KAT6B: variants seen among roughly 807,000 people sequenced by gnomAD.
The protein encoded by KAT6B is lysine acetyltransferase 6B, also known as histone acetyltransferase KAT6B.
A neutral mutation model predicts 187.5 loss-of-function variants in KAT6B; 10 were observed. The observed-to-expected ratio is 0.05, with a 90% confidence interval of 0.03 to 0.09. The LOEUF (loss-of-function observed/expected upper bound fraction) is 0.09. Among genes scored for constraint, KAT6B ranks in the 10% least tolerant of loss-of-function variants. The probability of loss-of-function intolerance (pLI) is 1.00; values close to 1 mark genes in which losing one functional copy is unlikely to be tolerated. For synonymous variants in KAT6B, 861 were observed against 926.8 expected (o/e 0.93, Z 1.29); for missense variants, 1,952 against 2,558.9 (o/e 0.76, Z 5.12).
At position 75,029,972 on chromosome 10, in the gene KAT6B, G is replaced by C. The variant is rs764369916; in HGVS notation, c.5148G>C (p.Gln1716His). 1.2e-6 allele frequency: 2 copies of C among 1,614,174 alleles called. No individual in the cohort carries two copies. The highest frequency in any genetic ancestry group is 1.7e-6 in the Non-Finnish European group (2 of 1,180,034). Residue 1716 changes from glutamine (Q) to histidine (H), a missense_variant, in exon 18 of 18, where the codon CAG becomes CAC. Physicochemically the swap from Gln to His is conservative, Grantham distance 24. Transcript: ENST00000287239. The surrounding 1 kb of genome is among the most constrained non-coding windows in gnomAD (Gnocchi z 6.2). ...YSNLTSSSLT[Q>H]SSCAVTQQMS... The stretch of plus-strand genomic sequence containing the variant: ...ACCTCACCTCCAGCAGTCTGACACA[G>C]AGCAGCTGTGCTGTCACCCAGCAGA...
chr10:74,883,605 G>A (rs1845025762), intron 3 of KAT6B, among the ~76,000 whole-genome samples: 2 of 152,110 alleles, frequency 1.3e-5, no homozygotes, highest in Admixed American at 1.3e-4. Flanking sequence ...AGTCCTTCAG[G>A]TAGAACACAT....
chr10:74,919,477 T>C (rs992266658), intron 3 of KAT6B, among the ~76,000 whole-genome samples: 2 of 152,092 alleles, frequency 1.3e-5, no homozygotes, highest in African/African-American at 2.4e-5. Flanking sequence ...ATGGCTCCAC[T>C]GCAACCTCTG....
intron 13 of KAT6B, among the ~76,000 whole-genome samples, chr10:75,009,540 G>A (rs557551905): frequency 5.9e-5 from 9 of 152,252 alleles, no homozygotes; most frequent in African/African-American, 2.2e-4. Flanking sequence ...GCCAAACAGT[G>A]GACAGAATAG....
chr10:74,847,073 C>A (rs1842161284), intron 3 of KAT6B, among the ~76,000 whole-genome samples: 1 of 152,132 alleles, frequency 6.6e-6, no homozygotes, highest in African/African-American at 2.4e-5. Flanking sequence ...AGCATCTGTA[C>A]AGAAGTATTT....
intron 13 of KAT6B, among the ~76,000 whole-genome samples, chr10:74,992,350 A>C (rs973789816): frequency 4.6e-5 from 7 of 152,248 alleles, no homozygotes; most frequent in Admixed American, 1.3e-4. Flanking sequence ...TAAACCCATC[A>C]TAAAGTGAAA....
intron 3 of KAT6B, among the ~76,000 whole-genome samples, chr10:74,894,901 A>G (rs542293662): frequency 9.2e-5 from 14 of 152,148 alleles, no homozygotes; most frequent in African/African-American, 3.1e-4. Context: ...TCTCTTTGAG[A>G]TCCTTTTGGC....
At position 74,979,220 on chromosome 10, in the gene KAT6B, A is replaced by T. The variant is rs1470801594; in HGVS notation, c.2116-4A>T. ...ATTATTTTCCTTTTCTTTCTATTTG[A>T]CAGAAAATAGAGTGTGAGAGTGGGG... On this transcript the variant is annotated splice_polypyrimidine_tract_variant and splice_region_variant and intron_variant, in intron 9 of 17. Transcript: ENST00000287239. 2.5e-6 allele frequency: 4 copies of T among 1,593,420 alleles called. No homozygotes were observed. The highest frequency in any genetic ancestry group is 3.4e-6 in the Non-Finnish European group (4 of 1,161,404).
At chr10:75,025,577 T>C (rs1480141914) in intron 17 of KAT6B, 1 of 292,556 alleles carries the variant, frequency 3.4e-6, no homozygotes, top group African/African-American at 2.2e-5. Context: ...GTACTTTTTT[T>C]TTTCACATTT....
intron 1 of KAT6B, among the ~76,000 whole-genome samples, chr10:74,837,029 T>C (rs1342816492): frequency 6.6e-6 from 1 of 152,248 alleles, no homozygotes; most frequent in Non-Finnish European, 1.5e-5. Context: ...ACTTGAGTGT[T>C]ATGACATTGA....
In KAT6B at chr10:74,992,650, T is replaced by TGCAG. The variant is rs755105876; in HGVS notation, c.2629+3538_2629+3539insGCAG. Among the ~76,000 whole-genome samples, 398 of 152,342 alleles carry TGCAG rather than the reference T, an allele frequency of 2.6e-3. 1 individual carries two copies. Among genetic ancestry groups the TGCAG allele is most frequent in the Non-Finnish European group, 4.8e-3 (328 of 68,028 alleles). On this transcript the variant is annotated intron_variant, in intron 13 of 17. Transcript: ENST00000287239. Reference sequence around the variant, plus strand: ...AGTTGTAAGCCAAGGACTGTCTGTATAAAGAACTGCAAATGCAGGGCTTTG... The same window carrying TGCAG: ...AGTTGTAAGCCAAGGACTGTCTGTATGCAGAAAGAACTGCAAATGCAGGGCTTTG...
intron 11 of KAT6B, 48 bp downstream of exon 11, chr10:74,981,976 C>T (rs766407144): frequency 1.9e-5 from 29 of 1,544,810 alleles, no homozygotes; most frequent in Non-Finnish European, 2.6e-5. Flanking sequence ...ATCTAGTACT[C>T]CTAATTGTTG....
intron 12 of KAT6B, among the ~76,000 whole-genome samples, chr10:74,985,718 T>C (rs931508398): frequency 6.6e-6 from 1 of 152,220 alleles, no homozygotes; most frequent in Non-Finnish European, 1.5e-5. Context: ...CTCTGTGCTA[T>C]GGTTTTAAGT....
intron 3 of KAT6B, among the ~76,000 whole-genome samples, chr10:74,953,390 G>C (rs1427545340): frequency 3.9e-5 from 6 of 152,098 alleles, no homozygotes; most frequent in Admixed American, 1.3e-4. Flanking sequence ...GAACTTTGTA[G>C]TTTACAAAAT....
intron 3 of KAT6B, among the ~76,000 whole-genome samples, chr10:74,935,787 A>G (rs898805462): frequency 6.6e-6 from 1 of 152,230 alleles, no homozygotes; most frequent in Admixed American, 6.5e-5. Flanking sequence ...GTATGTATGG[A>G]CACTTGCATG....
At chr10:74,988,096 T>C (rs548864692) in intron 12 of KAT6B, among the ~76,000 whole-genome samples, 16 of 152,340 alleles carry the variant, frequency 1.1e-4, no homozygotes, top group Middle Eastern at 3.4e-3. Flanking sequence ...ATCTTTCAAA[T>C]TGGTTCATTA....
At chr10:74,889,449 G>A (rs1053997623) in intron 3 of KAT6B, among the ~76,000 whole-genome samples, 22 of 152,116 alleles carry the variant, frequency 1.4e-4, no homozygotes, top group African/African-American at 3.9e-4. Context: ...GGAGAGAATT[G>A]AGAACTGAGG....
chr10:74,985,832 G>A (rs1842774138), intron 12 of KAT6B, among the ~76,000 whole-genome samples: 1 of 152,140 alleles, frequency 6.6e-6, no homozygotes, highest in South Asian at 2.1e-4. Flanking sequence ...GGATCATGAG[G>A]TCGAGAGATA....
intron 3 of KAT6B, among the ~76,000 whole-genome samples, chr10:74,907,019 G>T (rs1032952459): frequency 2.0e-5 from 3 of 152,144 alleles, no homozygotes; most frequent in African/African-American, 7.2e-5. Flanking sequence ...GGTTTGTAGG[G>T]CTCATTCTTC....
At chr10:75,024,595 A>AGAGTCTGTGAT (rs1386370787) in intron 16 of KAT6B, among the ~76,000 whole-genome samples, 1 of 152,256 alleles carries the variant, frequency 6.6e-6, no homozygotes, top group Non-Finnish European at 1.5e-5. Context: ...TAAAGACATT[A>AGAGTCTGTGAT]GAGTCTGTGA....
Sources: allele counts gnomAD v4.1 joint callset (sites outside exome capture counted in the v4.1 genomes callset), GRCh38; gene constraint gnomAD v4.1.1; non-coding constraint Gnocchi (gnomAD v3.1); transcripts MANE v1.5; gene names NCBI Gene and HGNC (gene_info 2026-07-23, HGNC 2026-07-21).